Variants in ATP11A observed in about 807,000 individuals in gnomAD.
ATP11A encodes the protein ATPase phospholipid transporting 11A.
Under a neutral mutation model 154.4 loss-of-function variants are expected in ATP11A, and 81 were observed. The observed-to-expected ratio is 0.52, with a 90% CI of 0.44 to 0.63. The LOEUF (loss-of-function observed/expected upper bound fraction) is 0.63. Among genes scored for constraint, ATP11A ranks in the 30% least tolerant of loss-of-function variants. The pLI, the probability that ATP11A is intolerant of heterozygous loss-of-function variation, is 0.00. For synonymous variants in ATP11A, 623 were observed against 585.9 expected, an observed-to-expected ratio of 1.06 and a Z score of -0.91; for missense variants, 1,316 against 1,474.3, an observed-to-expected ratio of 0.89 and a Z score of 1.76.
chr13:112,777,303 C>T lies in ATP11A; in HGVS notation c.40-7832C>T, dbSNP rs1386335889. ...CTAAGGCTGGGCATGGTGGCTCACG[C>T]CCGTAATCCCAGCACTTTGGAATGC... On this transcript the variant is annotated intron_variant, in intron 1 of 29. Coordinates refer to ENST00000375645, the MANE Select transcript of ATP11A (RefSeq NM_015205.3). Among the ~76,000 whole-genome samples the T allele has an allele frequency of 3.9e-5, 6 of 152,218 alleles. No individual in the cohort carries two copies. The East Asian group carries it at 1.2e-3, about 29-fold the overall frequency.
intron 25 of ATP11A, among the ~76,000 whole-genome samples, chr13:112,870,897 A>C (rs1657984904): frequency 6.6e-6 from 1 of 152,130 alleles, no homozygotes; most frequent in African/African-American, 2.4e-5. Flanking sequence ...TGCTGTCCTC[A>C]CGGGTCGGGC....
chr13:112,809,325 G>T (rs2078419945), intron 4 of ATP11A, among the ~76,000 whole-genome samples: 1 of 152,216 alleles, frequency 6.6e-6, no homozygotes, highest in South Asian at 2.1e-4. Context: ...CGCACGTTTG[G>T]ATATCCATGC....
rs535122993 is a variant in ATP11A, at chr13:112,698,277, G to A, written c.39+7822G>A. ...GCTCTCCACTGGCCTGAGTTGCTGG[G>A]CCCATCACTGCTGCGTCGAAGCCTG... On this transcript the variant is annotated intron_variant, in intron 1 of 29. Transcript: ENST00000375645. Among the ~76,000 whole-genome samples, 4 of 152,280 alleles carry A rather than the reference G, an allele frequency of 2.6e-5. No homozygotes were observed. The South Asian group carries it at 8.3e-4, about 32-fold the overall frequency.
chr13:112,866,263 G>A (rs970820789), intron 25 of ATP11A, among the ~76,000 whole-genome samples: 2 of 152,166 alleles, frequency 1.3e-5, no homozygotes, highest in Non-Finnish European at 1.5e-5. Flanking sequence ...GTGAATTCCT[G>A]TGTGCTTTGT....
chr13:112,863,173 C>T (rs2080176360), intron 25 of ATP11A, among the ~76,000 whole-genome samples: 1 of 150,608 alleles, frequency 6.6e-6, no homozygotes, highest in African/African-American at 2.5e-5. Context: ...AGCTTCCCAG[C>T]GGGGTCCATC....
chr13:112,857,007 G>A (rs1034236743), intron 20 of ATP11A, among the ~76,000 whole-genome samples: 3 of 152,260 alleles, frequency 2.0e-5, no homozygotes, highest in Middle Eastern at 3.4e-3. Context: ...CCTCACATGC[G>A]TAACTGCACA....
At chr13:112,846,291 G>A (rs776334444) in intron 17 of ATP11A, among the ~76,000 whole-genome samples, 5 of 152,070 alleles carry the variant, frequency 3.3e-5, no homozygotes, top group Non-Finnish European at 7.4e-5. Context: ...CTCAACTGCC[G>A]GATGTTGTCT....
intron 1 of ATP11A, among the ~76,000 whole-genome samples, chr13:112,707,525 A>G (rs1887283340): frequency 6.6e-6 from 1 of 152,056 alleles, no homozygotes; most frequent in Admixed American, 6.6e-5. Context: ...AACTGAGAGC[A>G]GTCATTGAAG....
chr13:112,844,791 CGGGTGTT>C (rs2079530179), intron 17 of ATP11A, among the ~76,000 whole-genome samples: 9 of 145,720 alleles, frequency 6.2e-5, no homozygotes, highest in African/African-American at 8.4e-5. Flanking sequence ...GTCCAGTTGC[CGGGTGTT>C]AGTGGTACTA....
intron 1 of ATP11A, among the ~76,000 whole-genome samples, chr13:112,744,731 G>T (rs893938237): frequency 6.6e-6 from 1 of 152,210 alleles, no homozygotes; most frequent in Non-Finnish European, 1.5e-5. Context: ...CACCCGGCTG[G>T]TGTGTAAAGC....
chr13:112,781,537 A>G (rs2140009275), intron 1 of ATP11A, among the ~76,000 whole-genome samples: 1 of 152,224 alleles, frequency 6.6e-6, no homozygotes, highest in Middle Eastern at 3.4e-3. Flanking sequence ...TGCTGACAAC[A>G]TTTGACGGAC....
chr13:112,821,330 T>C (rs1195954710), intron 8 of ATP11A, among the ~76,000 whole-genome samples: 1 of 152,218 alleles, frequency 6.6e-6, no homozygotes, highest in African/African-American at 2.4e-5. Context: ...TTTTATTTTA[T>C]TGGAGACAGA....
intron 8 of ATP11A, among the ~76,000 whole-genome samples, chr13:112,821,559 C>T (rs1246223514): frequency 6.6e-6 from 1 of 152,216 alleles, no homozygotes. Context: ...GATTCACCCA[C>T]CTCGGCCTCC....
intron 17 of ATP11A, among the ~76,000 whole-genome samples, chr13:112,849,696 AC>A (rs1383480585): frequency 6.6e-6 from 1 of 152,174 alleles, no homozygotes; most frequent in African/African-American, 2.4e-5. Context: ...TATTCAGCAA[AC>A]GTTGTTGAGT....
At position 112,807,923 on chromosome 13, in the gene ATP11A, A is replaced by C. The variant is rs1473008633; in HGVS notation, c.333+1630A>C. On this transcript the variant is annotated intron_variant, in intron 4 of 29. Coordinates refer to ENST00000375645, the MANE Select transcript of ATP11A (RefSeq NM_015205.3). This position sits in a 1 kb window ranked among gnomAD's most constrained non-coding sequence, Gnocchi z 4.5. ...CCTGGCCCCAGGAGGCAGGCGTAGC[A>C]CTGTTCTTCAGCGTCCTCTTCTCTG... Among the ~76,000 whole-genome samples, 1 of 152,048 alleles carries C rather than the reference A, an allele frequency of 6.6e-6. No homozygotes were observed. Among genetic ancestry groups the C allele is most frequent in the Non-Finnish European group, 1.5e-5 (1 of 68,004 alleles).
In ATP11A at chr13:112,845,553, G is replaced by A. The variant is rs557876891; in HGVS notation, c.1809+3174G>A. Among the ~76,000 whole-genome samples, 12 of 114,904 alleles carry A rather than the reference G, an allele frequency of 1.0e-4. 1 individual carries two copies. Among genetic ancestry groups the A allele is most frequent in the Middle Eastern group, 5.4e-3 (1 of 186 alleles). The allele number at this position is 114,904 out of a possible 152,430, so 75.4% of individuals were successfully genotyped here. A position where few individuals can be genotyped will look rare whatever the true frequency, so the allele number is the denominator to read the frequency against. ...AACCAGTCCAGTTGCTGGCACTAGC[G>A]GTACTAACCAGTCCAGTTGCCAGGC... On this transcript the variant is annotated intron_variant, in intron 17 of 29. Transcript: ENST00000375645.
chr13:112,858,338 A>C (rs1156388897), intron 22 of ATP11A, 48 bp downstream of exon 22: 5 of 1,562,126 alleles, frequency 3.2e-6, no homozygotes, highest in Non-Finnish European at 4.3e-6. Flanking sequence ...CAGGTCACGC[A>C]CAGGGTGGCA....
intron 18 of ATP11A, among the ~76,000 whole-genome samples, chr13:112,852,836 T>A (rs2079810113): frequency 6.6e-6 from 1 of 152,118 alleles, no homozygotes; most frequent in African/African-American, 2.4e-5. Context: ...TATAAATTAT[T>A]TCCTTATAAT....
At chr13:112,846,121 T>A (rs992907014) in intron 17 of ATP11A, among the ~76,000 whole-genome samples, 1 of 152,206 alleles carries the variant, frequency 6.6e-6, no homozygotes, top group African/African-American at 2.4e-5. Flanking sequence ...TTGAGGTGTT[T>A]CGTGATGGGA....
Sources: gnomAD v4.1 joint callset for allele counts (sites outside exome capture counted in the v4.1 genomes callset) on GRCh38, gnomAD v4.1.1 for gene constraint, Gnocchi (gnomAD v3.1) non-coding constraint, MANE v1.5 for transcripts, NCBI Gene and HGNC (gene_info 2026-07-23, HGNC 2026-07-21) for gene names.